Variants in TACC1 observed in about 807,000 individuals in gnomAD.
The protein encoded by TACC1 is transforming acidic coiled-coil-containing protein 1.
Under a neutral mutation model 84.4 loss-of-function variants are expected in TACC1, and 48 were observed. That is an observed-to-expected ratio of 0.57 (90% CI 0.45 to 0.72). The LOEUF is 0.72. TACC1 is among the 30% of genes least tolerant of loss of function. The pLI, the probability that TACC1 is intolerant of heterozygous loss-of-function variation, is 0.00. For missense variants in TACC1, 920 were observed against 973.0 expected (o/e 0.95, Z 0.72); for synonymous variants, 372 against 376.3 (o/e 0.99, Z 0.13).
intron 2 of TACC1, among the ~76,000 whole-genome samples, chr8:38,809,398 A>T (rs1209493534): frequency 6.6e-6 from 1 of 151,964 alleles, no homozygotes; most frequent in Non-Finnish European, 1.5e-5. Context: ...TCAGACTTAG[A>T]GCTTTTGTCT....
At chr8:38,770,577 T>C (rs1410636057) in intron 3 of TACC1, among the ~76,000 whole-genome samples, 2 of 152,156 alleles carry the variant, frequency 1.3e-5, no homozygotes, top group African/African-American at 4.8e-5. Context: ...CGCGCCTCCT[T>C]TGTATGTCAC....
intron 3 of TACC1, among the ~76,000 whole-genome samples, chr8:38,745,771 T>C (rs1473203971): frequency 6.6e-6 from 1 of 152,182 alleles, no homozygotes; most frequent in East Asian, 1.9e-4. Flanking sequence ...CTTAAACTCC[T>C]GACCTCAGGT....
upstream of TACC1, among the ~76,000 whole-genome samples, chr8:38,786,991 C>T (rs1360627943): frequency 6.6e-6 from 1 of 151,872 alleles, no homozygotes; most frequent in South Asian, 2.1e-4. Context: ...TCCTCTGCCC[C>T]GGACGCCGGC....
At chr8:38,768,367 A>G (rs1812686817) in intron 3 of TACC1, among the ~76,000 whole-genome samples, 1 of 152,182 alleles carries the variant, frequency 6.6e-6, no homozygotes, top group Non-Finnish European at 1.5e-5. Context: ...TTGGATGCAG[A>G]GGGGACTCAT....
At chr8:38,775,274 A>G (rs544124645) in intron 3 of TACC1, among the ~76,000 whole-genome samples, 46 of 152,330 alleles carry the variant, frequency 3.0e-4, no homozygotes, top group African/African-American at 1.0e-3. Context: ...CCTTCTTCCA[A>G]AAAGAATGAT....
intron 2 of TACC1, among the ~76,000 whole-genome samples, chr8:38,803,215 A>G (rs1179163883): frequency 6.6e-6 from 1 of 152,192 alleles, no homozygotes; most frequent in Non-Finnish European, 1.5e-5. Context: ...GTCATCTGCA[A>G]ATAGAGATAG....
At chr8:38,789,250 G>A (rs1191095325) in intron 2 of TACC1, among the ~76,000 whole-genome samples, 2 of 152,026 alleles carry the variant, frequency 1.3e-5, no homozygotes, top group African/African-American at 4.8e-5. Context: ...CACTCACCTC[G>A]CCCACTTCCA....
At chr8:38,845,562 C>A (rs903924224) in intron 11 of TACC1, among the ~76,000 whole-genome samples, 33 of 152,186 alleles carry the variant, frequency 2.2e-4, no homozygotes, top group African/African-American at 7.7e-4. Context: ...ATAGCTGAAT[C>A]TAATTCTTTT....
intron 3 of TACC1, among the ~76,000 whole-genome samples, chr8:38,747,679 G>A (rs1808320271): frequency 6.6e-6 from 1 of 152,206 alleles, no homozygotes; most frequent in Non-Finnish European, 1.5e-5. Flanking sequence ...ATCAGTAGTT[G>A]CCAAGGGTTG....
At chr8:38,729,489 A>G (rs553581282) in intron 1 of TACC1, among the ~76,000 whole-genome samples, 7 of 152,238 alleles carry the variant, frequency 4.6e-5, no homozygotes, top group Non-Finnish European at 8.8e-5. Flanking sequence ...AGAACTCAGC[A>G]TGGCTTCTGC....
intron 3 of TACC1, among the ~76,000 whole-genome samples, chr8:38,767,176 G>C (rs1347387996): frequency 6.6e-6 from 1 of 152,116 alleles, no homozygotes; most frequent in African/African-American, 2.4e-5. Context: ...TCTTAAATAG[G>C]GGTTTGAGAA....
At chr8:38,815,299 T>TA (rs1469157375) in intron 2 of TACC1, among the ~76,000 whole-genome samples, 1 of 152,260 alleles carries the variant, frequency 6.6e-6, no homozygotes, top group Non-Finnish European at 1.5e-5. Context: ...CTTATTTCCA[T>TA]ATCACCATTT....
intron 3 of TACC1, among the ~76,000 whole-genome samples, chr8:38,757,620 C>G (rs1285656730): frequency 6.6e-6 from 1 of 152,060 alleles, no homozygotes; most frequent in Admixed American, 6.5e-5. Context: ...GACCCCACCG[C>G]GACCGGATCG....
chr8:38,757,210 C>CG lies in TACC1; in HGVS notation c.26+11717_26+11718insG. On this transcript the variant is annotated intron_variant, in intron 3 of 14. Coordinates refer to the TACC1 transcript ENST00000518415. ...GCGGCGGGGACCCTACGGCCGGGCG[C>CG]CCCACCCCGCCCTCCCTCGCCCCAC... 1.5e-4 allele frequency: 38 copies of CG among 258,292 alleles called. 4 individuals carry two copies. Among genetic ancestry groups the CG allele is most frequent in the Non-Finnish European group, 2.8e-4 (36 of 130,526 alleles). The allele number at this position is 258,292 out of a possible 1,614,324, so 16.0% of individuals were successfully genotyped here. A position where few individuals can be genotyped will look rare whatever the true frequency, so the allele number is the denominator to read the frequency against.
At chr8:38,773,791 A>G (rs1486264291) in intron 3 of TACC1, among the ~76,000 whole-genome samples, 1 of 152,202 alleles carries the variant, frequency 6.6e-6, no homozygotes, top group East Asian at 1.9e-4. Flanking sequence ...ATAAATATTA[A>G]TAGAAAAACA....
At chr8:38,793,970 C>T (rs1819369767) in intron 2 of TACC1, among the ~76,000 whole-genome samples, 1 of 152,120 alleles carries the variant, frequency 6.6e-6, no homozygotes, top group Non-Finnish European at 1.5e-5. Flanking sequence ...GGGAAAATGG[C>T]TTTAAGAATG....
In TACC1 at chr8:38,820,117, T is replaced by C. The variant is rs748734604; in HGVS notation, c.873T>C (p.Leu291=). ...DARFQKSPPD[L]KETPGTLSSD... ...GGTTCCAGAAGTCTCCCCCTGACCT[T>C]AAAGAAACTCCCGGCACTCTCAGTA... is the stretch of plus-strand genomic sequence containing the variant. Residue 291 remains leucine (L), a synonymous_variant, in exon 3 of 13, where the codon CTT becomes CTC. Transcript: ENST00000317827. 15 of 1,614,002 alleles carry C rather than the reference T, an allele frequency of 9.3e-6. No homozygotes were observed. The highest frequency in any genetic ancestry group is 1.3e-5 in the Non-Finnish European group (15 of 1,179,986).
intron 6 of TACC1, among the ~76,000 whole-genome samples, chr8:38,835,318 A>G (rs1385665031): frequency 1.3e-5 from 2 of 152,082 alleles, no homozygotes; most frequent in Non-Finnish European, 2.9e-5. Flanking sequence ...GTCTTTTAGG[A>G]AGGAAAATAG....
upstream of TACC1, chr8:38,787,081 C>T (rs796841011): frequency 1.0e-6 from 1 of 963,084 alleles, no homozygotes; most frequent in Non-Finnish European, 1.2e-6. Flanking sequence ...AGCGTGACGC[C>T]GCGGTAGGGG....
Sources: gnomAD v4.1 joint callset for allele counts (sites outside exome capture counted in the v4.1 genomes callset) on GRCh38, gnomAD v4.1.1 for gene constraint, MANE v1.5 for transcripts, NCBI Gene and HGNC (gene_info 2026-07-23, HGNC 2026-07-21) for gene names.